The following ATP8B4 variants were observed in gnomAD, a reference collection of about 807,000 sequenced individuals.
The protein encoded by ATP8B4 is probable phospholipid-transporting ATPase IM.
Under a neutral mutation model 145.6 loss-of-function variants are expected in ATP8B4, and 133 were observed. The ratio of observed to expected loss-of-function variants is 0.91; its 90% CI spans 0.79 to 1.05. The LOEUF is 1.05. Among genes scored for constraint, ATP8B4 ranks in the 50% least tolerant of loss-of-function variants. The pLI, the probability that ATP8B4 is intolerant of heterozygous loss-of-function variation, is 0.00. For synonymous variants in ATP8B4, 507 were observed against 492.9 expected (o/e 1.03, Z -0.38); for missense variants, 1,458 against 1,425.2 (o/e 1.02, Z -0.37).
At chr15:50,160,362 T>C (rs1490793128) in intron 1 of ATP8B4, among the ~76,000 whole-genome samples, 1 of 152,004 alleles carries the variant, frequency 6.6e-6, no homozygotes, top group South Asian at 2.1e-4. Context: ...TTGTAATTTT[T>C]TTAATTTCAA....
chr15:50,039,921 A>T (rs886729332), intron 5 of ATP8B4, among the ~76,000 whole-genome samples: 2 of 152,246 alleles, frequency 1.3e-5, no homozygotes, highest in African/African-American at 4.8e-5. Flanking sequence ...GCTGTTTAGC[A>T]TTTGTTAACA....
chr15:50,136,145 C>T (rs908516595), intron 1 of ATP8B4, among the ~76,000 whole-genome samples: 2 of 152,174 alleles, frequency 1.3e-5, no homozygotes, highest in Non-Finnish European at 2.9e-5. Context: ...CAAGACCACC[C>T]CTCTCTGCTC....
At chr15:49,911,134 T>C (rs2039185453) in intron 20 of ATP8B4, among the ~76,000 whole-genome samples, 1 of 152,080 alleles carries the variant, frequency 6.6e-6, no homozygotes, top group African/African-American at 2.4e-5. Context: ...AAACCTCACA[T>C]ATCAATAGCA....
At chr15:49,983,344 C>T (rs535740206) in intron 10 of ATP8B4, among the ~76,000 whole-genome samples, 2 of 152,334 alleles carry the variant, frequency 1.3e-5, no homozygotes, top group South Asian at 4.1e-4. Flanking sequence ...AGCATCATCA[C>T]CATCCATCCA....
intron 1 of ATP8B4, among the ~76,000 whole-genome samples, chr15:50,144,606 C>T (rs2153680179): frequency 6.6e-6 from 1 of 152,312 alleles, no homozygotes; most frequent in South Asian, 2.1e-4. Flanking sequence ...CAAGTCCCTC[C>T]CTTGACACAT....
chr15:50,041,424 A>C (rs986041692), intron 5 of ATP8B4, among the ~76,000 whole-genome samples: 5 of 152,234 alleles, frequency 3.3e-5, no homozygotes, highest in Non-Finnish European at 7.4e-5. Context: ...GGTTGATAAG[A>C]TTTTTGATTA....
intron 2 of ATP8B4, among the ~76,000 whole-genome samples, chr15:50,075,786 A>C (rs978525087): frequency 3.3e-5 from 5 of 152,202 alleles, no homozygotes; most frequent in African/African-American, 4.8e-5. Flanking sequence ...GCCCCAACAA[A>C]GAATTAAAAC....
intron 2 of ATP8B4, 88 bp from the exon 3 acceptor site, chr15:50,074,273 G>C: frequency 8.8e-7 from 1 of 1,137,358 alleles, no homozygotes; most frequent in Non-Finnish European, 1.3e-6. Context: ...AGGTTGCTTT[G>C]TTGTTAAGGC....
chr15:50,059,294 A>G (rs1485463993), intron 3 of ATP8B4, among the ~76,000 whole-genome samples: 2 of 152,180 alleles, frequency 1.3e-5, no homozygotes, highest in Non-Finnish European at 2.9e-5. Context: ...CGAGTCTCCA[A>G]TCAAAACTCA....
At chr15:50,100,837 AT>A (rs2056308308) in intron 2 of ATP8B4, among the ~76,000 whole-genome samples, 1 of 152,228 alleles carries the variant, frequency 6.6e-6, no homozygotes, top group South Asian at 2.1e-4. Flanking sequence ...TGTCTGTAAA[AT>A]GAAGTTCTGT....
Position 49,934,028 on chromosome 15 carries a change from T to C in ATP8B4, c.1442A>G (p.Glu481Gly). The change falls in exon 15 of 28, where the codon GAG becomes GGG. Residue 481 changes from glutamate (E) to glycine (G), a missense_variant. Transcript: ENST00000284509. ...LALCHTVMSE[E>G]NSAGELIYQV... Reference sequence around the variant, plus strand: ...AACTTTTCACTTACCTGCGCTATTCTCTTCTGACATTACAGTGTGGCAGAG... The same window carrying C: ...AACTTTTCACTTACCTGCGCTATTCCCTTCTGACATTACAGTGTGGCAGAG... 6.2e-7 allele frequency: 1 copy of C among 1,603,492 alleles called. No homozygotes were observed. The highest frequency in any genetic ancestry group is 8.5e-7 in the Non-Finnish European group (1 of 1,175,960).
chr15:49,934,910 T>A (rs1374551766), intron 14 of ATP8B4, among the ~76,000 whole-genome samples: 1 of 152,132 alleles, frequency 6.6e-6, no homozygotes, highest in South Asian at 2.1e-4. Context: ...TTTTTATTCT[T>A]AAAGACTCCA....
chr15:49,934,171 A>G lies in ATP8B4; in HGVS notation c.1299T>C (p.Pro433=). The change falls in exon 15 of 28, where the codon CCT becomes CCC. Residue 433 remains proline, a synonymous_variant. Transcript: ENST00000284509. ...CTTGAGATTTGACTGAGAAATCCACAGGCTCTTTTTCCTGTAGGAGAACAA... is the reference window on the plus strand; with the variant it reads ...CTTGAGATTTGACTGAGAAATCCACGGGCTCTTTTTCCTGTAGGAGAACAA... ...QKTEITQEKE[P]VDFSVKSQAD... is the part of the protein sequence containing the mutation. 6.2e-7 allele frequency: 1 copy of G among 1,609,726 alleles called. No homozygotes were observed. The highest frequency in any genetic ancestry group is 8.5e-7 in the Non-Finnish European group (1 of 1,178,232).
intron 3 of ATP8B4, among the ~76,000 whole-genome samples, chr15:50,072,976 C>G (rs1235040923): frequency 4.2e-5 from 1 of 23,894 alleles, no homozygotes; most frequent in African/African-American, 1.8e-4. Context: ...CTCTCTCTCT[C>G]TCTCTATATA....
chr15:50,015,252 G>A (rs1414074617), intron 6 of ATP8B4, among the ~76,000 whole-genome samples: 1 of 152,228 alleles, frequency 6.6e-6, no homozygotes, highest in East Asian at 1.9e-4. Context: ...GAAAGAAAAT[G>A]AAGAGGGAAA....
At position 50,144,930 on chromosome 15, in the gene ATP8B4, CCA is replaced by C. The variant is rs1354940005; in HGVS notation, c.-43+37329_-43+37330del. Among the ~76,000 whole-genome samples, 4 of 152,152 alleles carry C rather than the reference CCA, an allele frequency of 2.6e-5. No homozygotes were observed. The East Asian group carries it at 7.7e-4, about 29-fold the overall frequency. ...TCTACACTTATGGAAGCAGTTGCTT[CCA>C]TATCATATTACACTACTGAATATCG... On this transcript the variant is annotated intron_variant, in intron 1 of 3. Coordinates refer to the ATP8B4 transcript ENST00000558829.
chr15:49,897,656 T>A, intron 22 of ATP8B4, 141 bp from the exon 23 acceptor site: 1 of 704,310 alleles, frequency 1.4e-6, no homozygotes, highest in Non-Finnish European at 2.1e-6. Context: ...ATGAAACACT[T>A]ATGATAGATA....
intron 2 of ATP8B4, among the ~76,000 whole-genome samples, chr15:50,090,942 T>C (rs910154023): frequency 1.3e-5 from 2 of 152,140 alleles, no homozygotes; most frequent in African/African-American, 2.4e-5. Flanking sequence ...AATTTACAAT[T>C]CACAGTAGGC....
chr15:50,119,146 C>T lies in ATP8B4; in HGVS notation c.-66G>A, dbSNP rs1367837027. 6.6e-6 allele frequency: 1 copy of T among 152,190 alleles called. No homozygotes were observed. The highest frequency in any genetic ancestry group is 6.6e-5 in the Admixed American group (1 of 15,256). The allele number at this position is 152,190 out of a possible 1,614,324, so 9.4% of individuals were successfully genotyped here. A position where few individuals can be genotyped will look rare whatever the true frequency, so the allele number is the denominator to read the frequency against. On this transcript the variant is annotated 5_prime_UTR_variant, in exon 1 of 28. Coordinates refer to ENST00000284509, the MANE Select transcript of ATP8B4 (RefSeq NM_024837.4). Reference sequence around the variant, plus strand: ...ACCTCAACCCAGACTTAATCCTCTCCCCCAAAAGGAAGATTTCTCAGCAGT... The same window carrying T: ...ACCTCAACCCAGACTTAATCCTCTCTCCCAAAAGGAAGATTTCTCAGCAGT...
Sources: allele counts gnomAD v4.1 joint callset (sites outside exome capture counted in the v4.1 genomes callset), GRCh38; gene constraint gnomAD v4.1.1; transcripts MANE v1.5; gene names NCBI Gene and HGNC (gene_info 2026-07-23, HGNC 2026-07-21).